The following PRDM1 variants were observed in gnomAD, a reference collection of about 807,000 sequenced individuals.
The protein encoded by PRDM1 is PR domain zinc finger protein 1.
In PRDM1, 13 loss-of-function variants were observed where a neutral mutation model predicts 62.8. That is an observed-to-expected ratio of 0.21 (90% confidence interval 0.13 to 0.33). The LOEUF (loss-of-function observed/expected upper bound fraction) is 0.33. Ranked by LOEUF, PRDM1 falls within the 10% of genes least tolerant of loss-of-function variation. PRDM1 has a pLI of 1.00. For missense variants in PRDM1, 895 were observed against 1,058.8 expected (o/e 0.85, Z 2.15); for synonymous variants, 396 against 417.6 (o/e 0.95, Z 0.63).
At chr6:105,999,923 G>A (rs775615408) in intron 1 of PRDM1, among the ~76,000 whole-genome samples, 9 of 151,900 alleles carry the variant, frequency 5.9e-5, no homozygotes, top group Non-Finnish European at 1.0e-4. Context: ...GCGCCATCTC[G>A]GCTCACTGCA....
chr6:106,063,250 T>C (rs1230173409), intron 1 of PRDM1, among the ~76,000 whole-genome samples: 2 of 152,194 alleles, frequency 1.3e-5, no homozygotes, highest in Non-Finnish European at 2.9e-5. Flanking sequence ...ACTGGGAGTC[T>C]TTTGTATTTT....
rs772153085 is a variant in PRDM1 at position 106,107,473 on chromosome 6, C to A, written c.2465C>A (p.Pro822Gln). Residue 822 changes from proline (P) to glutamine (Q), a missense_variant, in exon 7 of 7, where the codon CCA becomes CAA. By Grantham distance (76) the Pro-to-Gln change is moderately conservative. Transcript: ENST00000369096. ...PVKVKQETVE[P>Q]MDP is the part of the protein sequence containing the mutation. Reference sequence around the variant, plus strand: ...AAGGTCAAACAAGAAACAGTTGAACCAATGGATCCTTAAGATTTTCAGAAA... The same window carrying A: ...AAGGTCAAACAAGAAACAGTTGAACAAATGGATCCTTAAGATTTTCAGAAA... 2 of 1,595,976 alleles carry A rather than the reference C, an allele frequency of 1.3e-6. No homozygotes were observed. The highest frequency in any genetic ancestry group is 2.2e-5 in the South Asian group (2 of 89,060).
intron 1 of PRDM1, among the ~76,000 whole-genome samples, chr6:106,028,918 CTTTTT>C (rs756143283): frequency 1.1e-4 from 14 of 124,276 alleles, no homozygotes; most frequent in Admixed American, 8.2e-5. Context: ...TTCTTTCCTT[CTTTTT>C]TTTTTTTTTT....
At chr6:106,009,472 A>G (rs1005445182) in intron 1 of PRDM1, among the ~76,000 whole-genome samples, 6 of 152,136 alleles carry the variant, frequency 3.9e-5, no homozygotes, top group African/African-American at 1.4e-4. Context: ...TTATATTTTC[A>G]TTTTCTCACA....
chr6:106,033,386 C>G (rs1772877567), intron 1 of PRDM1, among the ~76,000 whole-genome samples: 1 of 150,696 alleles, frequency 6.6e-6, no homozygotes, highest in African/African-American at 2.4e-5. Context: ...CTCCTGACTT[C>G]AAGCGATCCT....
chr6:106,088,261 G>A lies in PRDM1; in HGVS notation c.103G>A (p.Gly35Arg), dbSNP rs1213156772. ...TCAGGGATTGGCAGAGGGGACCAAG[G>A]GGACCATGAAAATGGACATGGAGGA... ...RFQGLAEGTK[G>R]TMKMDMEDAD... The change falls in exon 2 of 7, where the codon GGG becomes AGG. Residue 35 changes from glycine to arginine, a missense_variant. This residue lies in a region of PRDM1 where 213 missense variants were observed against 283.9 expected (regional missense o/e 0.75). Coordinates refer to ENST00000369096, the MANE Select transcript of PRDM1 (RefSeq NM_001198.4). 1 of 1,614,084 alleles carries A rather than the reference G, an allele frequency of 6.2e-7. No homozygotes were observed. Among genetic ancestry groups the A allele is most frequent in the East Asian group, 2.2e-5 (1 of 44,878 alleles).
intron 1 of PRDM1, among the ~76,000 whole-genome samples, chr6:106,066,196 G>T (rs565450978): frequency 7.9e-5 from 12 of 152,214 alleles, no homozygotes; most frequent in African/African-American, 2.2e-4. Context: ...TTTGGTGGGG[G>T]CTTTGTTCTT....
upstream of PRDM1, among the ~76,000 whole-genome samples, chr6:106,083,319 T>G (rs1170855003): frequency 6.6e-6 from 1 of 151,946 alleles, no homozygotes; most frequent in Non-Finnish European, 1.5e-5. Context: ...ATGGCAGGAG[T>G]TGAATGAGAA....
At chr6:106,083,365 C>T (rs1773727369), upstream of PRDM1, among the ~76,000 whole-genome samples, 1 of 151,958 alleles carries the variant, frequency 6.6e-6, no homozygotes, top group Non-Finnish European at 1.5e-5. Context: ...ACATTTCATC[C>T]CTTTTTTTTA....
Position 106,088,337 on chromosome 6 carries a change from A to C in PRDM1, c.179A>C (p.Tyr60Ser), listed in dbSNP as rs1208431607. The part of the protein sequence containing the change: ...TEAEFEEKCT[Y>S]IVNDHPWDSG... ...GCTGAGTTTGAAGAGAAGTGTACATACATTGTGAACGACCACCCCTGGGAT... is the reference window on the plus strand; with the variant it reads ...GCTGAGTTTGAAGAGAAGTGTACATCCATTGTGAACGACCACCCCTGGGAT... The change falls in exon 2 of 7, where the codon TAC (tyrosine) becomes TCC (serine). Residue 60 changes from tyrosine to serine, a missense_variant. Tyr to Ser is a moderately radical substitution (Grantham distance 144). Coordinates refer to ENST00000369096, the MANE Select transcript of PRDM1 (RefSeq NM_001198.4). 6.2e-7 allele frequency: 1 copy of C among 1,614,024 alleles called. No homozygotes were observed. The highest frequency in any genetic ancestry group is 8.5e-7 in the Non-Finnish European group (1 of 1,180,018).
At chr6:106,036,253 A>C (rs903546015) in intron 1 of PRDM1, among the ~76,000 whole-genome samples, 5 of 152,068 alleles carry the variant, frequency 3.3e-5, no homozygotes, top group Non-Finnish European at 5.9e-5. Context: ...AGTTCAAGTG[A>C]TTCTCATGCC....
chr6:106,007,651 A>C (rs1772499059), intron 1 of PRDM1, among the ~76,000 whole-genome samples: 1 of 152,314 alleles, frequency 6.6e-6, no homozygotes, highest in South Asian at 2.1e-4. Flanking sequence ...CAGGTGATAT[A>C]TAAACTTCCC....
In PRDM1 at chr6:106,003,787, T is replaced by C. The variant is rs7356983; in HGVS notation, c.-67+10148T>C. Among the ~76,000 whole-genome samples the C allele has an allele frequency of 7.4e-3, 1,133 of 152,292 alleles. 11 individuals carry two copies. Among genetic ancestry groups the C allele is most frequent in the African/African-American group, 0.026 (1,075 of 41,560 alleles). On this transcript the variant is annotated intron_variant, in intron 1 of 6. Coordinates refer to the PRDM1 transcript ENST00000652320. ...TAAAGAATCTGAAAGGAGCACAGAC[T>C]TTCACCCCAGGTCCAGATCTTACTT...
At position 106,107,180 on chromosome 6, in the gene PRDM1, C is replaced by G. The variant is rs1242608295; in HGVS notation, c.2172C>G (p.Thr724=). 1 of 1,614,046 alleles carries G rather than the reference C, an allele frequency of 6.2e-7. No individual in the cohort carries two copies. Among genetic ancestry groups the G allele is most frequent in the South Asian group, 1.1e-5 (1 of 91,082 alleles). The change falls in exon 7 of 7, where the codon ACC becomes ACG. Residue 724 remains threonine (T), a synonymous_variant. Transcript: ENST00000369096. ...PAPGLPLEDL[T]RINEEIEKFD... ...CTGGGCTGCCCTTGGAAGATCTGAC[C>G]CGAATCAATGAAGAAATCGAGAAGT...
chr6:106,033,879 C>G (rs1436093719), intron 1 of PRDM1, among the ~76,000 whole-genome samples: 1 of 151,658 alleles, frequency 6.6e-6, no homozygotes, highest in Non-Finnish European at 1.5e-5. Flanking sequence ...CAGGGCTTTT[C>G]TTTGTCAAGA....
intron 1 of PRDM1, among the ~76,000 whole-genome samples, chr6:106,056,976 G>T (rs1459361721): frequency 6.6e-6 from 1 of 152,198 alleles, no homozygotes; most frequent in African/African-American, 2.4e-5. Context: ...AGTGCTCAAG[G>T]AATATGACTT....
intron 1 of PRDM1, among the ~76,000 whole-genome samples, chr6:105,995,318 GCTTTTT>G (rs964302457): frequency 1.3e-5 from 2 of 152,164 alleles, no homozygotes; most frequent in Non-Finnish European, 2.9e-5. Context: ...TTCTCATAAG[GCTTTTT>G]TTCTTTTCTT....
In PRDM1 at chr6:106,108,628, A is replaced by G. The variant is rs1302667013; in HGVS notation, c.*1142A>G. The G allele has an allele frequency of 4.3e-6, 1 of 232,568 alleles. No individual in the cohort carries two copies. Among genetic ancestry groups the G allele is most frequent in the East Asian group, 6.0e-5 (1 of 16,676 alleles). The allele number at this position is 232,568 out of a possible 1,614,324, so 14.4% of individuals were successfully genotyped here. ...GGCCACACTTTAAAAACAAACACACAAACAACAAAAAACGGGTATTCTAGT... is the reference window on the plus strand; with the variant it reads ...GGCCACACTTTAAAAACAAACACACGAACAACAAAAAACGGGTATTCTAGT... On this transcript the variant is annotated 3_prime_UTR_variant, in exon 7 of 7. Transcript: ENST00000369096.
intron 1 of PRDM1, among the ~76,000 whole-genome samples, chr6:106,012,097 C>A (rs1436119915): frequency 1.4e-5 from 2 of 146,956 alleles, no homozygotes; most frequent in East Asian, 4.1e-4. Context: ...ACCACACACA[C>A]CACACCCCTC....
Sources: allele counts gnomAD v4.1 joint callset (sites outside exome capture counted in the v4.1 genomes callset), GRCh38; gene constraint gnomAD v4.1.1; regional missense constraint gnomAD v4.1.1; transcripts MANE v1.5; gene names NCBI Gene and HGNC (gene_info 2026-07-23, HGNC 2026-07-21).